Variants in ENTREP2 observed in about 807,000 individuals in gnomAD.
The protein encoded by ENTREP2 is protein ENTREP2.
chr15:29,358,770 A>C, the ENTREP2 span, among the ~76,000 whole-genome samples: 5 of 152,162 alleles, frequency 3.3e-5, 1 homozygote, highest in African/African-American at 1.2e-4. Flanking sequence ...AAAAGACAGA[A>C]GTGCCGAAGA....
chr15:29,444,174 G>C, the ENTREP2 span, among the ~76,000 whole-genome samples: 12,041 of 28,908 alleles, frequency 0.42, 1,631 homozygotes, highest in South Asian at 0.49. Flanking sequence ...GACAGACAAA[G>C]AAAGAAAGAA....
the ENTREP2 span, among the ~76,000 whole-genome samples, chr15:29,389,163 A>T: frequency 5.9e-5 from 9 of 152,024 alleles, no homozygotes; most frequent in African/African-American, 2.2e-4. Flanking sequence ...ATGAAAAAAA[A>T]AAAAAGAATG....
chr15:29,335,912 C>T, the ENTREP2 span, among the ~76,000 whole-genome samples: 39 of 151,972 alleles, frequency 2.6e-4, no homozygotes, highest in African/African-American at 7.7e-4. Flanking sequence ...GAGGCCGAGG[C>T]GGGTGGATCA....
the ENTREP2 span, among the ~76,000 whole-genome samples, chr15:29,175,905 C>T: frequency 9.2e-5 from 14 of 152,360 alleles, no homozygotes; most frequent in Admixed American, 2.6e-4. Flanking sequence ...TGTACCCAGA[C>T]TGTCCATCTT....
the ENTREP2 span, among the ~76,000 whole-genome samples, chr15:29,389,344 C>T: frequency 6.6e-6 from 1 of 152,156 alleles, no homozygotes; most frequent in South Asian, 2.1e-4. Context: ...GAGTGGGACA[C>T]TGGATTGTTG....
chr15:29,673,001 G>A, the ENTREP2 span, among the ~76,000 whole-genome samples: 5 of 152,132 alleles, frequency 3.3e-5, no homozygotes, highest in African/African-American at 7.2e-5. Flanking sequence ...GATTATACAC[G>A]AGTTTTCCAG....
chr15:29,256,995 C>T, the ENTREP2 span, among the ~76,000 whole-genome samples: 1 of 151,936 alleles, frequency 6.6e-6, no homozygotes. Flanking sequence ...TTCCCTTCTA[C>T]AACTGCCTAA....
At chr15:29,483,477 A>G in the ENTREP2 span, among the ~76,000 whole-genome samples, 1 of 152,186 alleles carries the variant, frequency 6.6e-6, no homozygotes, top group Admixed American at 6.5e-5. Flanking sequence ...TTTTACACTT[A>G]GGTCTATGAT....
the ENTREP2 span, among the ~76,000 whole-genome samples, chr15:29,431,083 T>C: frequency 5.3e-4 from 80 of 152,276 alleles, no homozygotes; most frequent in African/African-American, 1.9e-3. Flanking sequence ...GTTTTCAAGC[T>C]TTACATCTGG....
At chr15:29,462,804 T>A in the ENTREP2 span, among the ~76,000 whole-genome samples, 1 of 152,076 alleles carries the variant, frequency 6.6e-6, no homozygotes, top group Non-Finnish European at 1.5e-5. Flanking sequence ...TCTGGGCAGG[T>A]GGCTGTAGCT....
the ENTREP2 span, among the ~76,000 whole-genome samples, chr15:29,308,972 C>T: frequency 1.3e-5 from 2 of 152,202 alleles, no homozygotes; most frequent in Admixed American, 6.5e-5. Flanking sequence ...CTGTCCCCAG[C>T]TGCCTCTCTT....
At chr15:29,497,456 C>G in the ENTREP2 span, among the ~76,000 whole-genome samples, 1 of 152,106 alleles carries the variant, frequency 6.6e-6, no homozygotes, top group Non-Finnish European at 1.5e-5. Flanking sequence ...CATTATTAGC[C>G]TGTTAAGACT....
chr15:29,298,253 T>C, the ENTREP2 span, among the ~76,000 whole-genome samples: 1 of 152,154 alleles, frequency 6.6e-6, no homozygotes, highest in Non-Finnish European at 1.5e-5. Flanking sequence ...TTAGAGGGAA[T>C]TTATAGCCCT....
chr15:29,224,958 T>C, the ENTREP2 span, among the ~76,000 whole-genome samples: 347 of 152,194 alleles, frequency 2.3e-3, 1 homozygote, highest in African/African-American at 8.0e-3. Flanking sequence ...AGCTAAGGCC[T>C]GGTGAGAAAC....
At chr15:29,243,681 A>T in the ENTREP2 span, among the ~76,000 whole-genome samples, 4 of 152,228 alleles carry the variant, frequency 2.6e-5, no homozygotes, top group Non-Finnish European at 5.9e-5. Context: ...GATTTGCTAA[A>T]ATGTTTATTT....
At chr15:29,539,871 G>A in the ENTREP2 span, among the ~76,000 whole-genome samples, 1 of 152,074 alleles carries the variant, frequency 6.6e-6, no homozygotes, top group Non-Finnish European at 1.5e-5. Context: ...TCCAAGCCAA[G>A]CCCTGGCGAG....
At chr15:29,224,216 G>A in the ENTREP2 span, among the ~76,000 whole-genome samples, 5 of 152,066 alleles carry the variant, frequency 3.3e-5, no homozygotes, top group Non-Finnish European at 7.4e-5. Context: ...CGGCGCGTCT[G>A]GAGTTGTTCG....
the ENTREP2 span, among the ~76,000 whole-genome samples, chr15:29,514,847 A>G: frequency 6.6e-6 from 1 of 152,182 alleles, no homozygotes; most frequent in Non-Finnish European, 1.5e-5. Flanking sequence ...TGAATCATGA[A>G]CGTGAGCAGC....
chr15:29,364,867 G>A, the ENTREP2 span, among the ~76,000 whole-genome samples: 2 of 152,090 alleles, frequency 1.3e-5, no homozygotes, highest in Non-Finnish European at 2.9e-5. Flanking sequence ...ACTACCACCA[G>A]CCGCCAGCAG....
Sources: gnomAD v4.1 joint callset for allele counts (sites outside exome capture counted in the v4.1 genomes callset) on GRCh38, gnomAD v4.1.1 for gene constraint, MANE v1.5 for transcripts, NCBI Gene and HGNC (gene_info 2026-07-23, HGNC 2026-07-21) for gene names.